The following ULK4 variants were observed in gnomAD, a reference collection of about 807,000 sequenced individuals.
ULK4 encodes the protein inactive serine/threonine-protein kinase ULK4.
Under a neutral mutation model 160.6 loss-of-function variants are expected in ULK4, and 133 were observed. The ratio of observed to expected loss-of-function variants is 0.83; its 90% CI spans 0.72 to 0.96. The LOEUF (loss-of-function observed/expected upper bound fraction) is 0.96, where lower values mean the gene tolerates loss of function less well. ULK4 is among the 40% of genes least tolerant of loss of function. ULK4 has a pLI of 0.00. For synonymous variants in ULK4, 534 were observed against 539.8 expected (o/e 0.99, Z 0.15); for missense variants, 1,580 against 1,499.5 (o/e 1.05, Z -0.89).
At chr3:41,771,934 G>A (rs976170575) in intron 21 of ULK4, among the ~76,000 whole-genome samples, 2 of 152,190 alleles carry the variant, frequency 1.3e-5, no homozygotes, top group African/African-American at 2.4e-5. Flanking sequence ...GAATTAGAGA[G>A]ACACAACGGA....
intron 16 of ULK4, among the ~76,000 whole-genome samples, 180 bp from the exon 17 acceptor site, chr3:41,884,132 T>C (rs575995394): frequency 6.6e-6 from 1 of 152,310 alleles, no homozygotes; most frequent in Admixed American, 6.5e-5. Flanking sequence ...CTCCCTCGTA[T>C]ACTTAGGGAG....
chr3:41,660,194 C>T (rs1164093946), intron 30 of ULK4, among the ~76,000 whole-genome samples: 1 of 151,942 alleles, frequency 6.6e-6, no homozygotes, highest in African/African-American at 2.4e-5. Flanking sequence ...ACTCGGGAGG[C>T]TGAGGCAGGA....
intron 27 of ULK4, among the ~76,000 whole-genome samples, chr3:41,686,482 A>ATG (rs147288763): frequency 4.2e-4 from 64 of 151,892 alleles, no homozygotes; most frequent in Middle Eastern, 3.4e-3. Context: ...TGGGTCTTTT[A>ATG]TGTGTGTGTG....
At chr3:41,758,496 A>G (rs1010415442) in intron 21 of ULK4, among the ~76,000 whole-genome samples, 13 of 152,166 alleles carry the variant, frequency 8.5e-5, no homozygotes, top group Non-Finnish European at 1.8e-4. Context: ...CTCCTCAACA[A>G]TATATAAGCA....
intron 7 of ULK4, 143 bp downstream of exon 7, chr3:41,918,314 C>G: frequency 2.0e-6 from 1 of 505,768 alleles, no homozygotes; most frequent in Admixed American, 4.3e-5. Flanking sequence ...GAAATACTAA[C>G]ATTTCTAAAA....
At chr3:41,890,838 G>A (rs62258655) in intron 16 of ULK4, among the ~76,000 whole-genome samples, 134 of 1,312 alleles carry the variant, frequency 0.1, 48 homozygotes, top group Non-Finnish European at 0.17. Flanking sequence ...AGGAAGGGAC[G>A]GAAGGGGGGA....
At chr3:41,896,059 A>G (rs1017154805) in intron 15 of ULK4, among the ~76,000 whole-genome samples, 15 of 152,208 alleles carry the variant, frequency 9.9e-5, no homozygotes, top group Non-Finnish European at 1.2e-4. Flanking sequence ...AAGACAGTCC[A>G]AAAAGTAATA....
At chr3:41,629,543 G>A (rs2033665029) in intron 30 of ULK4, among the ~76,000 whole-genome samples, 1 of 152,148 alleles carries the variant, frequency 6.6e-6, no homozygotes, top group Non-Finnish European at 1.5e-5. Context: ...AGGCAGTCCA[G>A]ATTCAAATGG....
At chr3:41,889,118 A>G (rs1213558638) in intron 16 of ULK4, among the ~76,000 whole-genome samples, 1 of 151,838 alleles carries the variant, frequency 6.6e-6, no homozygotes, top group Admixed American at 6.5e-5. Context: ...CAAGTTCAAG[A>G]GGTAAGAATA....
At chr3:41,296,852 G>A (rs747264998) in intron 35 of ULK4, among the ~76,000 whole-genome samples, 1 of 151,592 alleles carries the variant, frequency 6.6e-6, no homozygotes, top group Non-Finnish European at 1.5e-5. Flanking sequence ...AGGGAGGGAA[G>A]AAGAAACAAG....
At chr3:41,551,341 G>A (rs1436969480) in intron 32 of ULK4, among the ~76,000 whole-genome samples, 1 of 151,438 alleles carries the variant, frequency 6.6e-6, no homozygotes, top group Non-Finnish European at 1.5e-5. Flanking sequence ...AAAAGGAAAA[G>A]TTTGGTTTTT....
intron 17 of ULK4, among the ~76,000 whole-genome samples, chr3:41,845,212 G>A (rs564668741): frequency 1.1e-4 from 17 of 152,154 alleles, no homozygotes; most frequent in East Asian, 3.9e-4. Flanking sequence ...TGATCCACCC[G>A]TCTCGGCCCC....
intron 27 of ULK4, among the ~76,000 whole-genome samples, chr3:41,683,717 C>T (rs1287428173): frequency 6.6e-6 from 1 of 152,004 alleles, no homozygotes; most frequent in East Asian, 1.9e-4. Context: ...TCAGTAGACA[C>T]CCATGTGGCA....
intron 22 of ULK4, among the ~76,000 whole-genome samples, chr3:41,732,098 C>T (rs2037847806): frequency 6.6e-6 from 1 of 151,962 alleles, no homozygotes; most frequent in Non-Finnish European, 1.5e-5. Flanking sequence ...AACTCAAAAG[C>T]GCAGGCAACA....
chr3:41,709,211 A>G (rs925218602), intron 25 of ULK4, among the ~76,000 whole-genome samples: 9 of 152,224 alleles, frequency 5.9e-5, no homozygotes, highest in African/African-American at 2.4e-5. Context: ...TAAATAAATA[A>G]GCATAAATTA....
At chr3:41,364,403 T>C (rs1287015400) in intron 35 of ULK4, among the ~76,000 whole-genome samples, 1 of 152,232 alleles carries the variant, frequency 6.6e-6, no homozygotes, top group Non-Finnish European at 1.5e-5. Context: ...GCTGCGCCCC[T>C]TGCATGTTAC....
chr3:41,759,989 CA>C (rs2038933927), intron 21 of ULK4, among the ~76,000 whole-genome samples: 1 of 151,950 alleles, frequency 6.6e-6, no homozygotes, highest in South Asian at 2.1e-4. Flanking sequence ...TAAACTTCAT[CA>C]AAATTAAAAT....
At chr3:41,905,998 A>G (rs549338262) in intron 12 of ULK4, among the ~76,000 whole-genome samples, 39 of 152,144 alleles carry the variant, frequency 2.6e-4, no homozygotes, top group African/African-American at 8.4e-4. Context: ...CGGGCGGATC[A>G]TGAGATCAGG....
intron 16 of ULK4, among the ~76,000 whole-genome samples, chr3:41,895,001 G>A (rs1698105713): frequency 6.6e-6 from 1 of 152,168 alleles, no homozygotes; most frequent in East Asian, 1.9e-4. Flanking sequence ...AACATCTAGG[G>A]AAGCTATGTG....
Sources: gnomAD v4.1 joint callset for allele counts (sites outside exome capture counted in the v4.1 genomes callset) on GRCh38, gnomAD v4.1.1 for gene constraint, MANE v1.5 for transcripts, NCBI Gene and HGNC (gene_info 2026-07-23, HGNC 2026-07-21) for gene names.